EIF4G1: variants seen among roughly 807,000 people sequenced by gnomAD.
EIF4G1 encodes eukaryotic translation initiation factor 4 gamma 1.
EIF4G1 carries 4 observed loss-of-function variants against 187.8 expected under a neutral mutation model. The ratio of observed to expected loss-of-function variants is 0.02; its 90% confidence interval spans 0.01 to 0.05. The LOEUF is 0.05. EIF4G1 is among the 10% of genes least tolerant of loss of function. The pLI, the probability that EIF4G1 is intolerant of heterozygous loss-of-function variation, is 1.00. For missense variants in EIF4G1, 1,647 were observed against 2,081.1 expected, an observed-to-expected ratio of 0.79 and a Z score of 4.06; for synonymous variants, 844 against 781.4, an observed-to-expected ratio of 1.08 and a Z score of -1.34.
Position 184,323,138 on chromosome 3 carries a change from G to A in EIF4G1, c.1985G>A (p.Cys662Tyr). 3 of 1,614,200 alleles carry A rather than the reference G, an allele frequency of 1.9e-6. No individual in the cohort carries two copies. Among genetic ancestry groups the A allele is most frequent in the Non-Finnish European group, 1.7e-6 (2 of 1,180,036 alleles). The change falls in exon 14 of 33, where the codon TGT becomes TAT. Residue 662 changes from cysteine (C) to tyrosine (Y), a missense_variant. Around this residue, in one of 11 missense-constraint regions of EIF4G1, gnomAD observed 140 missense variants for 222.2 expected, o/e 0.63. Transcript: ENST00000346169. This position sits in a 1 kb window ranked among gnomAD's most constrained non-coding sequence, Gnocchi z 6.9. Reference sequence around the variant, plus strand: ...CCCACTAGACTACAAGGCATAAATTGTGGCCCAGACTTCACTCCATCCTTT... The same window carrying A: ...CCCACTAGACTACAAGGCATAAATTATGGCCCAGACTTCACTCCATCCTTT... ...LDPTRLQGIN[C>Y]GPDFTPSFAN...
rs114237671 is a variant in EIF4G1 at position 184,326,896 on chromosome 3, G to A, written c.3341G>A (p.Arg1114His). 9.9e-6 allele frequency: 16 copies of A among 1,614,184 alleles called. No individual in the cohort carries two copies. The highest frequency in any genetic ancestry group is 5.3e-5 in the African/African-American group (4 of 75,036). The change falls in exon 23 of 33, where the codon CGC becomes CAC. Residue 1114 changes from arginine to histidine, a missense_variant. Around this residue, in one of 11 missense-constraint regions of EIF4G1, gnomAD observed 543 missense variants for 638.0 expected, o/e 0.85. Transcript: ENST00000346169. ...KPSDAASEAARPATSTLNRFS... is the reference protein window; with the variant it reads ...KPSDAASEAAHPATSTLNRFS... ...GCATCCCCAGCATCAGAAGCTGCTCGCCCAGCTACTAGTACTTTGAATCGC... is the reference window on the plus strand; with the variant it reads ...GCATCCCCAGCATCAGAAGCTGCTCACCCAGCTACTAGTACTTTGAATCGC...
chr3:184,320,533 G>A (rs1331592234), intron 7 of EIF4G1, 97 bp from the exon 8 acceptor site: 2 of 1,602,622 alleles, frequency 1.2e-6, no homozygotes, highest in African/African-American at 2.7e-5. Flanking sequence ...GCTTCCCGCT[G>A]GGGGGTGGGG....
intron 28 of EIF4G1, chr3:184,329,228 C>T: frequency 3.6e-6 from 2 of 556,968 alleles, no homozygotes; most frequent in East Asian, 3.1e-5. Flanking sequence ...GTGATTGATG[C>T]ATTTATTTAT....
At chr3:184,315,920 T>C (rs1722693700) in intron 3 of EIF4G1, 64 bp downstream of exon 3, 1 of 1,507,924 alleles carries the variant, frequency 6.6e-7, no homozygotes, top group Admixed American at 2.0e-5. Flanking sequence ...AGCCTCTGGA[T>C]CTTCCTACCC....
chr3:184,327,428 G>C lies in EIF4G1; in HGVS notation c.3641G>C (p.Arg1214Pro). ...LRKAASLTEDRDRGRDAVKRE... is the reference protein window; with the variant it reads ...LRKAASLTEDPDRGRDAVKRE... ...AAGGCAGCTAGCCTCACGGAGGATC[G>C]GGACCGTGGGCGGGATGCCGGTGAG... Residue 1214 changes from arginine to proline, a missense_variant, in exon 24 of 33, where the codon CGG becomes CCG. Physicochemically the swap from Arg to Pro is moderately radical, Grantham distance 103. Around this residue, in one of 11 missense-constraint regions of EIF4G1, gnomAD observed 543 missense variants for 638.0 expected, o/e 0.85. Coordinates refer to ENST00000346169, the MANE Select transcript of EIF4G1 (RefSeq NM_198241.3). 6.2e-7 allele frequency: 1 copy of C among 1,613,502 alleles called. No homozygotes were observed. Among genetic ancestry groups the C allele is most frequent in the South Asian group, 1.1e-5 (1 of 91,080 alleles).
chr3:184,321,078 G>C lies in EIF4G1; in HGVS notation c.697+85G>C, dbSNP rs1031608977. ...TGAGGTGGTGGAGTGACTTGAACTG[G>C]GTACCAGAGAATGATGACTTAGATT... On this transcript the variant is annotated intron_variant, in intron 9 of 32. Coordinates refer to ENST00000346169, the MANE Select transcript of EIF4G1 (RefSeq NM_198241.3). The C allele has an allele frequency of 3.2e-6, 5 of 1,544,462 alleles. No homozygotes were observed. The African/African-American group carries it at 6.8e-5, about 21-fold the overall frequency.
At chr3:184,320,320 G>C (rs1723670631) in intron 7 of EIF4G1, 1 of 1,304,560 alleles carries the variant, frequency 7.7e-7, no homozygotes, top group African/African-American at 1.5e-5. Context: ...GGTTCTAGAT[G>C]GGGGTCCTGG....
rs372070334 is a variant in EIF4G1, at chr3:184,321,647, A to G, written c.1063A>G (p.Thr355Ala). Reference sequence around the variant, plus strand: ...GGCTCCCACCCCTTTGGCATCTCACACAGTGGAAATTCATGAGCCTAATGG... The same window carrying G: ...GGCTCCCACCCCTTTGGCATCTCACGCAGTGGAAATTCATGAGCCTAATGG... ...LQAPTPLASHTVEIHEPNGMV... is the reference protein window; with the variant it reads ...LQAPTPLASHAVEIHEPNGMV... The change falls in exon 10 of 33, where the codon ACA becomes GCA. Residue 355 changes from threonine (T) to alanine (A), a missense_variant. Thr to Ala is a moderately conservative substitution (Grantham distance 58). Transcript: ENST00000346169. 5 of 1,609,624 alleles carry G rather than the reference A, an allele frequency of 3.1e-6. No individual in the cohort carries two copies. The highest frequency in any genetic ancestry group is 4.2e-6 in the Non-Finnish European group (5 of 1,177,088).
chr3:184,329,141 C>A, intron 28 of EIF4G1, 151 bp downstream of exon 28: 1 of 874,576 alleles, frequency 1.1e-6, no homozygotes, highest in South Asian at 1.5e-5. Flanking sequence ...CTGAGGTGGG[C>A]CATCTCCCGC....
At chr3:184,316,330 T>G in intron 4 of EIF4G1, 112 bp downstream of exon 4, 1 of 1,378,948 alleles carries the variant, frequency 7.3e-7, no homozygotes, top group Non-Finnish European at 1.0e-6. Flanking sequence ...CTTAATCCTC[T>G]GTGTTCTTTC....
intron 28 of EIF4G1, among the ~76,000 whole-genome samples, chr3:184,330,819 G>A (rs1212716876): frequency 6.6e-6 from 1 of 151,952 alleles, no homozygotes; most frequent in African/African-American, 2.4e-5. Context: ...TCAGCTCATT[G>A]CAACCCTCGC....
rs1468225153 is a variant in EIF4G1, at chr3:184,327,390, T to C, written c.3603T>C (p.Pro1201=). 7 of 1,613,604 alleles carry C rather than the reference T, an allele frequency of 4.3e-6. No individual in the cohort carries two copies. Among genetic ancestry groups the C allele is most frequent in the Non-Finnish European group, 5.1e-6 (6 of 1,180,010 alleles). ...GGAGTAGAGAACGGCCCTCCCAGCC[T>C]GAGGGGCTGCGCAAGGCAGCTAGCC... ...EERSRERPSQ[P]EGLRKAASLT... The change falls in exon 24 of 33, where the codon CCT becomes CCC. Residue 1201 remains proline (P), a synonymous_variant. Transcript: ENST00000346169.
chr3:184,323,377 T>A lies in EIF4G1; in HGVS notation c.2089-31T>A. On this transcript the variant is annotated intron_variant, in intron 14 of 32. Transcript: ENST00000346169. The surrounding 1 kb of genome is among the most constrained non-coding windows in gnomAD (Gnocchi z 6.9). ...ACATATTGTGCTGACTAGTTCCATG[T>A]CCCCTCTTGTCTTCATCCCTTGCTT... 6.2e-7 allele frequency: 1 copy of A among 1,613,878 alleles called. No homozygotes were observed. Among genetic ancestry groups the A allele is most frequent in the Non-Finnish European group, 8.5e-7 (1 of 1,179,890 alleles).
At position 184,317,554 on chromosome 3, in the gene EIF4G1, T is replaced by A. The variant is rs531227253; in HGVS notation, c.324+57T>A. 72 of 1,602,218 alleles carry A rather than the reference T, an allele frequency of 4.5e-5. No homozygotes were observed. In the Admixed American group the frequency reaches 9.2e-4, roughly 21 times the overall value. Reference sequence around the variant, plus strand: ...CAGACCCCTATACCTCTCACTTAACTCACCCTGACCCTCCAGTTCCATTGC... The same window carrying A: ...CAGACCCCTATACCTCTCACTTAACACACCCTGACCCTCCAGTTCCATTGC... On this transcript the variant is annotated intron_variant, in intron 5 of 32. Coordinates refer to ENST00000346169, the MANE Select transcript of EIF4G1 (RefSeq NM_198241.3).
At position 184,334,531 on chromosome 3, in the gene EIF4G1, G is replaced by A. The variant is rs1451356772; in HGVS notation, c.4619-196G>A. Reference sequence around the variant, plus strand: ...TTTGTAAGGTTTTTCTGATGGCCAAGTGACTCATTGCTGTGCAGCAGTCTC... The same window carrying A: ...TTTGTAAGGTTTTTCTGATGGCCAAATGACTCATTGCTGTGCAGCAGTCTC... On this transcript the variant is annotated intron_variant, in intron 32 of 32. Transcript: ENST00000346169. This position sits in a 1 kb window ranked among gnomAD's most constrained non-coding sequence, Gnocchi z 5.8. Among the ~76,000 whole-genome samples the A allele has an allele frequency of 6.6e-6, 1 of 152,206 alleles. No individual in the cohort carries two copies. The highest frequency in any genetic ancestry group is 1.5e-5 in the Non-Finnish European group (1 of 68,040).
intron 7 of EIF4G1, among the ~76,000 whole-genome samples, 176 bp downstream of exon 7, chr3:184,319,977 G>A (rs1252933246): frequency 6.6e-6 from 1 of 152,246 alleles, no homozygotes; most frequent in Non-Finnish European, 1.5e-5. Flanking sequence ...TTTCAGCATA[G>A]AAGCAGGTCA....
At chr3:184,315,651 G>T in intron 2 of EIF4G1, 106 bp downstream of exon 2, 1 of 809,078 alleles carries the variant, frequency 1.2e-6, no homozygotes, top group Non-Finnish European at 2.1e-6. Context: ...TCACCCTCTT[G>T]GCATCTCTGG....
At chr3:184,329,761 CT>C (rs1725673807) in intron 28 of EIF4G1, among the ~76,000 whole-genome samples, 1 of 152,178 alleles carries the variant, frequency 6.6e-6, no homozygotes, top group Admixed American at 6.5e-5. Flanking sequence ...TGACAGGAGG[CT>C]TTCAGGGTGC....
In EIF4G1 at chr3:184,332,008, T is replaced by C; in HGVS notation, c.4540T>C (p.Tyr1514His). Residue 1514 changes from tyrosine (Y) to histidine (H), a missense_variant, in exon 32 of 33, where the codon TAC becomes CAC. Coordinates refer to ENST00000346169, the MANE Select transcript of EIF4G1 (RefSeq NM_198241.3). ...AGCGCGAGCGAAGCTGCTGCAGAAA[T>C]ACCTGTGTGACGAGCAGAAGGAGCT... is the stretch of plus-strand genomic sequence containing the variant. ...LKARAKLLQKYLCDEQKELQA... is the reference protein window; with the variant it reads ...LKARAKLLQKHLCDEQKELQA... 1 of 1,614,148 alleles carries C rather than the reference T, an allele frequency of 6.2e-7. No individual in the cohort carries two copies. Among genetic ancestry groups the C allele is most frequent in the Non-Finnish European group, 8.5e-7 (1 of 1,180,028 alleles).
Sources: gnomAD v4.1 joint callset for allele counts (sites outside exome capture counted in the v4.1 genomes callset) on GRCh38, gnomAD v4.1.1 for gene constraint, gnomAD v4.1.1 regional missense constraint, Gnocchi (gnomAD v3.1) non-coding constraint, MANE v1.5 for transcripts, NCBI Gene and HGNC (gene_info 2026-07-23, HGNC 2026-07-21) for gene names.